TUSC3: variants seen among roughly 807,000 people sequenced by gnomAD.
TUSC3 encodes tumor suppressor candidate 3, also known as dolichyl-diphosphooligosaccharide--protein glycosyltransferase subunit TUSC3.
Under a neutral mutation model 44.8 loss-of-function variants are expected in TUSC3, and 45 were observed. That is an observed-to-expected ratio of 1.00 (90% CI 0.79 to 1.29). The LOEUF (loss-of-function observed/expected upper bound fraction) is 1.29. Ranked by LOEUF, TUSC3 falls within the 50% of genes most tolerant of loss-of-function variation. TUSC3 has a pLI of 0.00. For synonymous variants in TUSC3, 212 were observed against 152.9 expected (o/e 1.39, Z -2.85); for missense variants, 519 against 437.9 (o/e 1.19, Z -1.65).
intron 1 of TUSC3, among the ~76,000 whole-genome samples, chr8:15,553,716 C>G (rs1419750267): frequency 6.6e-6 from 1 of 151,760 alleles, no homozygotes; most frequent in South Asian, 2.1e-4. Flanking sequence ...GCAGCCAACA[C>G]TTCTTCTCAA....
At chr8:15,727,107 A>G (rs940802898) in intron 6 of TUSC3, among the ~76,000 whole-genome samples, 1 of 152,192 alleles carries the variant, frequency 6.6e-6, no homozygotes, top group African/African-American at 2.4e-5. Flanking sequence ...CAGGGAATTC[A>G]TTAGTCAATA....
chr8:15,848,167 A>G, the TUSC3 span, among the ~76,000 whole-genome samples: 1 of 151,846 alleles, frequency 6.6e-6, no homozygotes, highest in African/African-American at 2.4e-5. Flanking sequence ...GTGGTCAACC[A>G]CAAGCATGCA....
intron 2 of TUSC3, among the ~76,000 whole-genome samples, chr8:15,532,885 C>T (rs768928578): frequency 6.6e-6 from 1 of 152,166 alleles, no homozygotes; most frequent in Non-Finnish European, 1.5e-5. Flanking sequence ...CTCCACCTCC[C>T]AGGTTCTAGA....
chr8:15,543,139 C>T (rs1304715079), intron 1 of TUSC3, among the ~76,000 whole-genome samples: 1 of 152,120 alleles, frequency 6.6e-6, no homozygotes, highest in Non-Finnish European at 1.5e-5. Flanking sequence ...TATGTGGTCT[C>T]TTTCTGTCTA....
chr8:15,485,456 T>C (rs1485629876), intron 2 of TUSC3, among the ~76,000 whole-genome samples: 1 of 134,844 alleles, frequency 7.4e-6, no homozygotes. Flanking sequence ...GTCATTATAC[T>C]CTGTTGTCTT....
intron 4 of TUSC3, among the ~76,000 whole-genome samples, chr8:15,659,907 C>T (rs571676980): frequency 7.2e-5 from 11 of 152,100 alleles, no homozygotes; most frequent in East Asian, 3.9e-4. Flanking sequence ...GGCTAAAAAA[C>T]GTTTAAAACG....
intron 1 of TUSC3, among the ~76,000 whole-genome samples, chr8:15,618,811 A>T (rs1214691190): frequency 6.6e-6 from 1 of 152,218 alleles, no homozygotes; most frequent in Non-Finnish European, 1.5e-5. Flanking sequence ...CACCAGCATC[A>T]CCACAAGCAC....
chr8:15,745,270 A>T (rs1226466785), intron 8 of TUSC3, among the ~76,000 whole-genome samples: 4 of 152,106 alleles, frequency 2.6e-5, no homozygotes, highest in Non-Finnish European at 4.4e-5. Context: ...TAGTAAACAT[A>T]AGAGTGCATG....
the TUSC3 span, among the ~76,000 whole-genome samples, chr8:15,812,991 G>T: frequency 6.6e-6 from 1 of 152,086 alleles, no homozygotes; most frequent in African/African-American, 2.4e-5. Flanking sequence ...CTACTCAGGA[G>T]GCTGAGGCAC....
the TUSC3 span, among the ~76,000 whole-genome samples, chr8:15,790,245 G>T: frequency 1.1e-4 from 16 of 141,082 alleles, no homozygotes; most frequent in Non-Finnish European, 2.3e-4. Flanking sequence ...GAGTGCAGTG[G>T]CGTGATTTTG....
At chr8:15,570,060 A>G (rs1529510) in intron 1 of TUSC3, among the ~76,000 whole-genome samples, 152,127 of 152,160 alleles carry the variant, frequency 1, 76,047 homozygotes, top group Middle Eastern at 1. Flanking sequence ...TGCTCAAATA[A>G]AACCTTCAGG....
intron 1 of TUSC3, among the ~76,000 whole-genome samples, chr8:15,453,552 A>G (rs10109444): frequency 0.1 from 15,500 of 152,210 alleles, 1,476 homozygotes; most frequent in African/African-American, 0.25. Context: ...TTCTTCTCCC[A>G]TCTAGCTGCA....
At chr8:15,505,259 C>G (rs947416457) in intron 2 of TUSC3, among the ~76,000 whole-genome samples, 1 of 152,136 alleles carries the variant, frequency 6.6e-6, no homozygotes, top group Admixed American at 6.5e-5. Flanking sequence ...AACAAGAAGG[C>G]TTTGTCAATA....
chr8:15,829,152 T>C, the TUSC3 span, among the ~76,000 whole-genome samples: 1 of 152,212 alleles, frequency 6.6e-6, no homozygotes, highest in African/African-American at 2.4e-5. Context: ...TACAATTGCA[T>C]GGTGTATGTA....
At chr8:15,608,877 C>T (rs1431342842) in intron 1 of TUSC3, among the ~76,000 whole-genome samples, 1 of 152,158 alleles carries the variant, frequency 6.6e-6, no homozygotes, top group African/African-American at 2.4e-5. Flanking sequence ...CTGACTAATA[C>T]ATATACCTTT....
At chr8:15,518,472 A>G (rs964876217) in intron 2 of TUSC3, among the ~76,000 whole-genome samples, 4 of 152,178 alleles carry the variant, frequency 2.6e-5, no homozygotes, top group Non-Finnish European at 5.9e-5. Context: ...TAAAGGAACT[A>G]TATATGGGAT....
chr8:15,637,187 C>T (rs1806118658), intron 2 of TUSC3, among the ~76,000 whole-genome samples: 1 of 152,122 alleles, frequency 6.6e-6, no homozygotes, highest in Non-Finnish European at 1.5e-5. Flanking sequence ...TTCAGGGACT[C>T]TAATTCTCCA....
intron 1 of TUSC3, among the ~76,000 whole-genome samples, chr8:15,478,597 G>T (rs918510441): frequency 6.6e-6 from 1 of 152,096 alleles, no homozygotes; most frequent in Admixed American, 6.6e-5. Flanking sequence ...TCCCTGAAAA[G>T]GACATGATCT....
At chr8:15,850,311 A>G in the TUSC3 span, among the ~76,000 whole-genome samples, 98 of 152,092 alleles carry the variant, frequency 6.4e-4, no homozygotes, top group African/African-American at 2.3e-3. Flanking sequence ...TTTAACCTCA[A>G]AGTATTTGTT....
Sources: allele counts gnomAD v4.1 joint callset (sites outside exome capture counted in the v4.1 genomes callset), GRCh38; gene constraint gnomAD v4.1.1; transcripts MANE v1.5; gene names NCBI Gene and HGNC (gene_info 2026-07-23, HGNC 2026-07-21).